Variants in FMN1 observed in about 807,000 individuals in gnomAD.
FMN1 encodes the protein formin 1.
In FMN1, 110 loss-of-function variants were observed where a neutral mutation model predicts 132.4. The ratio of observed to expected loss-of-function variants is 0.83; its 90% CI spans 0.71 to 0.97. The LOEUF (loss-of-function observed/expected upper bound fraction) is 0.97, where lower values mean the gene tolerates loss of function less well. FMN1 is among the 50% of genes least tolerant of loss of function. The pLI, the probability that FMN1 is intolerant of heterozygous loss-of-function variation, is 0.00. For missense variants in FMN1, 1,792 were observed against 1,705.3 expected, an observed-to-expected ratio of 1.05 and a Z score of -0.90; for synonymous variants, 722 against 651.7, an observed-to-expected ratio of 1.11 and a Z score of -1.64.
intron 20 of FMN1, among the ~76,000 whole-genome samples, chr15:32,776,565 G>A (rs1357173818): frequency 3.3e-5 from 5 of 152,140 alleles, no homozygotes; most frequent in South Asian, 4.1e-4. Context: ...TGACTGTACT[G>A]CGGGTAGGGT....
In FMN1 at chr15:32,969,091, C is replaced by G. The variant is rs368194891; in HGVS notation, c.2610G>C (p.Pro870=). 2 of 1,606,622 alleles carry G rather than the reference C, an allele frequency of 1.2e-6. No homozygotes were observed. Among genetic ancestry groups the G allele is most frequent in the Non-Finnish European group, 1.7e-6 (2 of 1,175,472 alleles). ...GAGGGGGAGGGATGGATGCGGGAGGCGGAGGCAATGCCTTCTGCTGATTTG... is the reference window on the plus strand; with the variant it reads ...GAGGGGGAGGGATGGATGCGGGAGGGGGAGGCAATGCCTTCTGCTGATTTG... The part of the protein sequence containing the change: ...MASNQQKALP[P]PPASIPPPPP... The change falls in exon 8 of 21, where the codon CCG becomes CCC. Residue 870 remains proline, a synonymous_variant. Coordinates refer to ENST00000616417, the MANE Select transcript of FMN1 (RefSeq NM_001277313.2).
intron 6 of FMN1, among the ~76,000 whole-genome samples, chr15:33,034,675 A>ATT (rs34570711): frequency 1.3e-5 from 2 of 151,800 alleles, no homozygotes; most frequent in East Asian, 3.9e-4. Context: ...CCAGAATCTG[A>ATT]TTTTTTTTTT....
chr15:33,101,676 G>A (rs79872483), intron 4 of FMN1, among the ~76,000 whole-genome samples: 2,721 of 152,112 alleles, frequency 0.018, 87 homozygotes, highest in African/African-American at 0.062. Context: ...TTGGCAGCAT[G>A]AGATCTAACA....
chr15:33,111,674 A>G (rs2039710980), intron 4 of FMN1, among the ~76,000 whole-genome samples: 1 of 152,178 alleles, frequency 6.6e-6, no homozygotes, highest in Non-Finnish European at 1.5e-5. Flanking sequence ...TGCTAAGTAG[A>G]TGTGGCCAGT....
intron 9 of FMN1, among the ~76,000 whole-genome samples, chr15:32,955,694 C>T (rs1259325542): frequency 6.6e-6 from 1 of 152,150 alleles, no homozygotes; most frequent in Non-Finnish European, 1.5e-5. Flanking sequence ...TCTCTCATAG[C>T]ATATCCTGTA....
chr15:33,091,230 G>A (rs1419241128), intron 4 of FMN1, among the ~76,000 whole-genome samples: 1 of 152,166 alleles, frequency 6.6e-6, no homozygotes, highest in African/African-American at 2.4e-5. Flanking sequence ...AGGTACAAGA[G>A]AGTGAAACAT....
intron 19 of FMN1, 59 bp from the exon 20 acceptor site, chr15:32,776,978 G>A: frequency 9.4e-7 from 1 of 1,062,394 alleles, no homozygotes; most frequent in Non-Finnish European, 1.4e-6. Flanking sequence ...AGAGGGAAAA[G>A]GAAAGAAGAA....
chr15:32,989,681 A>T (rs559087251), intron 7 of FMN1, among the ~76,000 whole-genome samples: 7 of 152,152 alleles, frequency 4.6e-5, no homozygotes, highest in Non-Finnish European at 1.0e-4. Context: ...GACGGGCAAC[A>T]ACCTAAATAA....
At chr15:33,050,769 G>A (rs1431661443) in intron 6 of FMN1, among the ~76,000 whole-genome samples, 1 of 152,180 alleles carries the variant, frequency 6.6e-6, no homozygotes, top group Admixed American at 6.5e-5. Flanking sequence ...AGAATTTAAT[G>A]ACAGCATTAT....
At chr15:33,079,420 C>T (rs1396403806) in intron 5 of FMN1, among the ~76,000 whole-genome samples, 1 of 152,172 alleles carries the variant, frequency 6.6e-6, no homozygotes, top group Non-Finnish European at 1.5e-5. Context: ...ATCAGGAGTT[C>T]AACACCAACC....
intron 19 of FMN1, among the ~76,000 whole-genome samples, chr15:32,779,312 T>C (rs531406456): frequency 6.6e-6 from 1 of 152,336 alleles, no homozygotes; most frequent in South Asian, 2.1e-4. Flanking sequence ...AATTTTATGA[T>C]ATGTAAATTC....
At chr15:33,127,876 G>A (rs557999920) in intron 4 of FMN1, among the ~76,000 whole-genome samples, 2 of 152,112 alleles carry the variant, frequency 1.3e-5, no homozygotes, top group Non-Finnish European at 2.9e-5. Context: ...CTGTTTCCGA[G>A]GAATCTTATG....
intron 3 of FMN1, among the ~76,000 whole-genome samples, chr15:33,172,825 T>A (rs1214159388): frequency 6.6e-6 from 1 of 152,068 alleles, no homozygotes; most frequent in East Asian, 1.9e-4. Flanking sequence ...AAAGTGTTTT[T>A]AAAAATAGAA....
chr15:33,017,477 GA>G (rs757819643), intron 6 of FMN1, among the ~76,000 whole-genome samples: 14 of 151,826 alleles, frequency 9.2e-5, no homozygotes, highest in African/African-American at 3.1e-4. Context: ...AAAAATAGTT[GA>G]TTTTTTTTTT....
intron 7 of FMN1, among the ~76,000 whole-genome samples, chr15:33,002,751 T>A (rs1213444846): frequency 6.6e-6 from 1 of 152,198 alleles, no homozygotes; most frequent in Non-Finnish European, 1.5e-5. Flanking sequence ...AATCTCCATA[T>A]TTTAAAATAT....
At chr15:32,796,933 A>C (rs925177877) in intron 19 of FMN1, among the ~76,000 whole-genome samples, 1 of 152,160 alleles carries the variant, frequency 6.6e-6, no homozygotes, top group African/African-American at 2.4e-5. Context: ...GCATGGCTGG[A>C]ATGAAGGGTC....
At chr15:32,806,684 C>T (rs113615287) in intron 17 of FMN1, among the ~76,000 whole-genome samples, 4 of 152,340 alleles carry the variant, frequency 2.6e-5, no homozygotes, top group African/African-American at 9.6e-5. Flanking sequence ...CTGGCAGCTG[C>T]CTCTGGCTTG....
intron 6 of FMN1, among the ~76,000 whole-genome samples, chr15:33,022,786 C>A (rs1477021817): frequency 1.3e-5 from 2 of 152,090 alleles, no homozygotes; most frequent in East Asian, 3.9e-4. Context: ...TAACGTGGGG[C>A]AGGAAGCCAG....
intron 18 of FMN1, among the ~76,000 whole-genome samples, chr15:32,803,368 C>A (rs994456491): frequency 6.6e-6 from 1 of 152,192 alleles, no homozygotes; most frequent in African/African-American, 2.4e-5. Context: ...GAGAGCCACA[C>A]TGACTAACCT....
Sources: gnomAD v4.1 joint callset for allele counts (sites outside exome capture counted in the v4.1 genomes callset) on GRCh38, gnomAD v4.1.1 for gene constraint, MANE v1.5 for transcripts, NCBI Gene and HGNC (gene_info 2026-07-23, HGNC 2026-07-21) for gene names.